The following CASK variants were observed in gnomAD, a reference collection of about 807,000 sequenced individuals.
The protein encoded by CASK is calcium/calmodulin dependent serine protein kinase, also known as peripheral plasma membrane protein CASK.
A neutral mutation model predicts 82.9 loss-of-function variants in CASK; 4 were observed. The ratio of observed to expected loss-of-function variants is 0.05; its 90% CI spans 0.02 to 0.11. The LOEUF is 0.11. Among genes scored for constraint, CASK ranks in the 10% least tolerant of loss-of-function variants. The pLI, the probability that CASK is intolerant of heterozygous loss-of-function variation, is 1.00. For synonymous variants in CASK, 259 were observed against 253.5 expected, an observed-to-expected ratio of 1.02 and a Z score of -0.20; for missense variants, 358 against 720.9, an observed-to-expected ratio of 0.50 and a Z score of 5.76.
At chrX:41,545,812 G>A (rs950618514) in intron 21 of CASK, among the ~76,000 whole-genome samples, 2 of 109,759 alleles carry the variant, frequency 1.8e-5, no homozygotes, top group South Asian at 4.0e-4. Context: ...TAAATGTCTC[G>A]AGATATAATT....
chrX:41,719,348 G>A (rs767305496), intron 5 of CASK, among the ~76,000 whole-genome samples: 7 of 112,009 alleles, frequency 6.2e-5, no homozygotes, highest in Non-Finnish European at 1.1e-4. Flanking sequence ...AGTTACTAGC[G>A]GAATTTAGAG....
At chrX:41,783,750 C>T (rs1288877044) in intron 3 of CASK, among the ~76,000 whole-genome samples, 1 of 111,326 alleles carries the variant, frequency 9.0e-6, no homozygotes, top group Non-Finnish European at 1.9e-5. Flanking sequence ...TCAAAAAGGT[C>T]TTCTTTAGTT....
At chrX:41,893,884 GA>G (rs1304165853) in intron 1 of CASK, among the ~76,000 whole-genome samples, 6 of 112,213 alleles carry the variant, frequency 5.3e-5, no homozygotes, top group African/African-American at 1.9e-4. Flanking sequence ...TTAAGCAATG[GA>G]AAAACAAAAG....
chrX:41,587,017 C>T lies in CASK; in HGVS notation c.1234-30G>A, dbSNP rs5964019. On this transcript the variant is annotated intron_variant, in intron 13 of 26. Transcript: ENST00000378163. ...AAAATAAACAAGATATACAATAATA[C>T]AAACATGACACAAGATTTACAAAAT... 4,593 of 803,163 alleles carry T rather than the reference C, an allele frequency of 5.7e-3. 123 individuals carry two copies. In the African/African-American group the frequency reaches 0.082, roughly 14 times the overall value. 66.2% of individuals were successfully genotyped at this position (803,163 alleles called of 1,213,427 possible). A position where few individuals can be genotyped will look rare whatever the true frequency, so the allele number is the denominator to read the frequency against.
At position 41,524,466 on chromosome X, in the gene CASK, A is replaced by G. The variant is rs1035880940; in HGVS notation, c.2521-432T>C. The G allele has an allele frequency of 4.2e-5, 7 of 167,357 alleles. No homozygotes were observed. The Admixed American group carries it at 5.3e-4, about 13-fold the overall frequency. The allele number at this position is 167,357 out of a possible 1,213,427, so 13.8% of individuals were successfully genotyped here. On this transcript the variant is annotated intron_variant, in intron 25 of 26. Coordinates refer to ENST00000378163, the MANE Select transcript of CASK (RefSeq NM_001367721.1). ...CTCACATTTCAAATTTCAAATTGCT[A>G]GCCAAGGATTGCTAGCAAATCTGTC...
At chrX:41,801,786 C>T (rs1409252644) in intron 2 of CASK, among the ~76,000 whole-genome samples, 2 of 111,212 alleles carry the variant, frequency 1.8e-5, no homozygotes, top group Non-Finnish European at 3.8e-5. Context: ...CCCTAGCTCA[C>T]GTCAAACTGA....
chrX:41,843,886 C>T (rs1457733534), intron 2 of CASK, among the ~76,000 whole-genome samples: 2 of 111,609 alleles, frequency 1.8e-5, no homozygotes, highest in Non-Finnish European at 3.8e-5. Flanking sequence ...TTGAAAAAAT[C>T]ATTCCATTGT....
intron 6 of CASK, among the ~76,000 whole-genome samples, chrX:41,667,667 C>T (rs2147485465): frequency 9.0e-6 from 1 of 111,433 alleles, no homozygotes; most frequent in African/African-American, 3.3e-5. Context: ...TCAAGCGATC[C>T]TTCTGCCTTG....
chrX:41,559,033 A>G (rs984683070), intron 18 of CASK: 1 of 112,065 alleles, frequency 8.9e-6, no homozygotes, highest in African/African-American at 3.2e-5. Flanking sequence ...ACGTGCAATG[A>G]CCAAAGGATG....
chrX:41,648,185 G>A (rs1245559916), intron 8 of CASK, among the ~76,000 whole-genome samples: 2 of 111,011 alleles, frequency 1.8e-5, no homozygotes, highest in Admixed American at 9.6e-5. Context: ...ACCCCGAGGC[G>A]TACCTGTCTC....
intron 2 of CASK, among the ~76,000 whole-genome samples, chrX:41,847,964 G>GT (rs1204006553): frequency 8.9e-6 from 1 of 112,142 alleles, no homozygotes; most frequent in African/African-American, 3.2e-5. Flanking sequence ...TCCTGAGCTT[G>GT]TTCATAGCCT....
chrX:41,575,476 A>G (rs764024558), intron 15 of CASK, among the ~76,000 whole-genome samples: 12 of 110,908 alleles, frequency 1.1e-4, no homozygotes, highest in Middle Eastern at 9.3e-3. Flanking sequence ...CCTTTCCTCT[A>G]TTTTGTAAGC....
intron 3 of CASK, among the ~76,000 whole-genome samples, chrX:41,770,313 T>C (rs370766346): frequency 0.017 from 1,628 of 95,611 alleles, 16 homozygotes; most frequent in African/African-American, 0.032. Context: ...CCTACCTACC[T>C]ATCCATCCAT....
chrX:41,673,045 A>G (rs186999531), intron 5 of CASK, among the ~76,000 whole-genome samples: 1 of 112,116 alleles, frequency 8.9e-6, no homozygotes, highest in South Asian at 3.7e-4. Flanking sequence ...CAGAAGAAAA[A>G]AGTGCAAACT....
intron 1 of CASK, among the ~76,000 whole-genome samples, chrX:41,906,663 C>A (rs1220835195): frequency 8.9e-6 from 1 of 112,155 alleles, no homozygotes; most frequent in Non-Finnish European, 1.9e-5. Flanking sequence ...GAAAGAGTCA[C>A]CACAGCATTT....
At chrX:41,570,970 G>A (rs904970462) in intron 15 of CASK, 1 of 111,841 alleles carries the variant, frequency 8.9e-6, no homozygotes, top group African/African-American at 3.2e-5. Context: ...TTATACAGAG[G>A]CCATGATAAT....
chrX:41,676,783 G>A (rs899082792), intron 5 of CASK, among the ~76,000 whole-genome samples: 2 of 112,797 alleles, frequency 1.8e-5, no homozygotes, highest in African/African-American at 6.4e-5. Flanking sequence ...AGAGAAGATG[G>A]TGACTTGGAC....
At chrX:41,544,060 T>C (rs1255638960) in intron 21 of CASK, among the ~76,000 whole-genome samples, 2 of 112,333 alleles carry the variant, frequency 1.8e-5, no homozygotes, top group Non-Finnish European at 3.8e-5. Flanking sequence ...CTCTGTTCAG[T>C]TGTCTTTTTC....
rs951931431 is a variant in CASK at position 41,775,779 on chromosome X, G to A, written c.278+11399C>T. Among the ~76,000 whole-genome samples, 16 of 99,950 alleles carry A rather than the reference G, an allele frequency of 1.6e-4. No homozygotes were observed. The East Asian group carries it at 3.3e-3, about 21-fold the overall frequency. The allele number at this position is 99,950 out of a possible 115,157, so 86.8% of individuals were successfully genotyped here. A position where few individuals can be genotyped will look rare whatever the true frequency, so the allele number is the denominator to read the frequency against. ...AAATCATCATTCTCAGTAAACTATC[G>A]CAAGGATAAAAAACCAAACACCGCA... On this transcript the variant is annotated intron_variant, in intron 3 of 26. Transcript: ENST00000378163.
Sources: gnomAD v4.1 joint callset for allele counts (sites outside exome capture counted in the v4.1 genomes callset) on GRCh38, gnomAD v4.1.1 for gene constraint, MANE v1.5 for transcripts, NCBI Gene and HGNC (gene_info 2026-07-23, HGNC 2026-07-21) for gene names.